The following KALRN variants were observed in gnomAD, a reference collection of about 807,000 sequenced individuals.
KALRN encodes kalirin.
A neutral mutation model predicts 353.7 loss-of-function variants in KALRN; 70 were observed. The ratio of observed to expected loss-of-function variants is 0.20; its 90% CI spans 0.16 to 0.24. The LOEUF (loss-of-function observed/expected upper bound fraction) is 0.24, where lower values mean the gene tolerates loss of function less well. KALRN is among the 10% of genes least tolerant of loss of function. KALRN has a pLI of 1.00. For synonymous variants in KALRN, 1,391 were observed against 1,434.8 expected (o/e 0.97, Z 0.69); for missense variants, 2,791 against 3,756.7 (o/e 0.74, Z 6.72).
At chr3:124,154,893 G>A (rs1045558692) in intron 1 of KALRN, among the ~76,000 whole-genome samples, 4 of 152,302 alleles carry the variant, frequency 2.6e-5, no homozygotes, top group African/African-American at 7.2e-5. Flanking sequence ...AAACAGCATG[G>A]TACTGGTACC....
At chr3:124,288,799 A>G (rs34743021) in intron 5 of KALRN, among the ~76,000 whole-genome samples, 10,590 of 152,156 alleles carry the variant, frequency 0.07, 1,053 homozygotes, top group East Asian at 0.47. Context: ...TAATGGAAGT[A>G]AAAGGCATAT....
intron 34 of KALRN, among the ~76,000 whole-genome samples, chr3:124,579,463 T>C (rs2074424226): frequency 6.6e-6 from 1 of 152,222 alleles, no homozygotes; most frequent in Non-Finnish European, 1.5e-5. Context: ...ATATTGCTTA[T>C]AGCTCAGGAG....
intron 1 of KALRN, among the ~76,000 whole-genome samples, chr3:124,055,721 A>G (rs1297236787): frequency 1.3e-5 from 2 of 152,228 alleles, no homozygotes; most frequent in South Asian, 4.1e-4. Context: ...TGGAGGCCCT[A>G]GAGCCATAGA....
intron 1 of KALRN, among the ~76,000 whole-genome samples, chr3:124,087,294 ATACT>A (rs1235615757): frequency 1.3e-5 from 2 of 152,236 alleles, no homozygotes; most frequent in South Asian, 2.1e-4. Context: ...CAAATTAGAC[ATACT>A]TACTTCCTGT....
intron 1 of KALRN, among the ~76,000 whole-genome samples, chr3:124,077,056 C>T (rs188349925): frequency 6.6e-6 from 1 of 152,344 alleles, no homozygotes; most frequent in African/African-American, 2.4e-5. Flanking sequence ...AGTTAAGCTT[C>T]TGGTCCAAGG....
chr3:124,490,953 G>A, intron 30 of KALRN, 69 bp downstream of exon 30: 3 of 1,381,460 alleles, frequency 2.2e-6, no homozygotes, highest in Non-Finnish European at 3.0e-6. Flanking sequence ...GAAGGGATCT[G>A]GACACACTCA....
chr3:124,051,981 T>G (rs1481854851), intron 1 of KALRN, among the ~76,000 whole-genome samples: 1 of 152,220 alleles, frequency 6.6e-6, no homozygotes, highest in Non-Finnish European at 1.5e-5. Flanking sequence ...CTAGAAGGTC[T>G]CTAATGCGTC....
intron 3 of KALRN, among the ~76,000 whole-genome samples, chr3:124,252,471 C>T (rs573483346): frequency 6.6e-6 from 1 of 152,312 alleles, no homozygotes; most frequent in South Asian, 2.1e-4. Flanking sequence ...GTTTTATGCA[C>T]AGATACTGAG....
intron 33 of KALRN, among the ~76,000 whole-genome samples, chr3:124,547,235 A>G (rs1162806216): frequency 6.6e-6 from 1 of 152,138 alleles, no homozygotes; most frequent in Non-Finnish European, 1.5e-5. Flanking sequence ...TCTGGCCTCA[A>G]GCTATCCTCC....
chr3:124,252,601 T>C (rs1214492795), intron 3 of KALRN, among the ~76,000 whole-genome samples: 2 of 152,318 alleles, frequency 1.3e-5, no homozygotes, highest in East Asian at 3.9e-4. Flanking sequence ...AGGCAAAAGA[T>C]GTGTTGTTAA....
At chr3:124,283,949 T>C (rs759427321) in intron 5 of KALRN, among the ~76,000 whole-genome samples, 1 of 152,252 alleles carries the variant, frequency 6.6e-6, no homozygotes, top group Non-Finnish European at 1.5e-5. Context: ...GCATACATTC[T>C]GGATCTGCTA....
rs2085634293 is a variant in KALRN at position 124,666,429 on chromosome 3, C to T, written c.6346-20C>T. On this transcript the variant is annotated intron_variant, in intron 45 of 59. Coordinates refer to ENST00000682506, the MANE Select transcript of KALRN (RefSeq NM_001388419.1). ...CTCCCCATTTTTCATTCACTTCACC[C>T]CAGCCCGTCTTTCCTTCAGGGCACT... The T allele has an allele frequency of 6.2e-7, 1 of 1,612,220 alleles. No individual in the cohort carries two copies.
chr3:124,462,092 C>A, intron 24 of KALRN, 136 bp downstream of exon 24: 1 of 674,146 alleles, frequency 1.5e-6, no homozygotes, highest in Non-Finnish European at 2.6e-6. Context: ...AAGAGGAAAT[C>A]TTTCTCCTAA....
rs138363004 is a variant in KALRN, at chr3:124,086,578, C to T, written c.73+52765C>T. On this transcript the variant is annotated intron_variant, in intron 1 of 59. Coordinates refer to ENST00000682506, the MANE Select transcript of KALRN (RefSeq NM_001388419.1). ...CTTTTTGTAAATTAGAGATATTAACCCTTTGTATAATTTATTGTTGCAAAC... is the reference window on the plus strand; with the variant it reads ...CTTTTTGTAAATTAGAGATATTAACTCTTTGTATAATTTATTGTTGCAAAC... 3.6e-4 allele frequency among the ~76,000 whole-genome samples: 55 copies of T among 151,824 alleles called. No individual in the cohort carries two copies. The East Asian group carries it at 0.01, about 28-fold the overall frequency.
intron 6 of KALRN, among the ~76,000 whole-genome samples, chr3:124,309,857 G>A (rs1002433545): frequency 1.3e-5 from 2 of 152,190 alleles, no homozygotes. Flanking sequence ...ATACTTCCCC[G>A]CTTAAGATCA....
intron 34 of KALRN, among the ~76,000 whole-genome samples, chr3:124,584,193 T>C (rs1179734857): frequency 6.6e-6 from 1 of 151,926 alleles, no homozygotes; most frequent in Non-Finnish European, 1.5e-5. Context: ...TTTCACGTCA[T>C]TACAGTTGGA....
chr3:124,461,717 G>C (rs1423329618), intron 23 of KALRN, among the ~76,000 whole-genome samples, 173 bp from the exon 24 acceptor site: 1 of 152,064 alleles, frequency 6.6e-6, no homozygotes, highest in Non-Finnish European at 1.5e-5. Context: ...AAGTATCATA[G>C]GAAGATACTT....
At chr3:124,575,063 T>G (rs1430369123) in intron 34 of KALRN, among the ~76,000 whole-genome samples, 1 of 152,246 alleles carries the variant, frequency 6.6e-6, no homozygotes, top group African/African-American at 2.4e-5. Flanking sequence ...ATGAGAAGTC[T>G]TTCCATTTAC....
At chr3:124,223,824 A>C (rs532070525) in intron 1 of KALRN, among the ~76,000 whole-genome samples, 2 of 152,326 alleles carry the variant, frequency 1.3e-5, no homozygotes, top group South Asian at 4.1e-4. Context: ...AGTGAGGCTG[A>C]CTGGCATTTT....
Sources: gnomAD v4.1 joint callset for allele counts (sites outside exome capture counted in the v4.1 genomes callset) on GRCh38, gnomAD v4.1.1 for gene constraint, MANE v1.5 for transcripts, NCBI Gene and HGNC (gene_info 2026-07-23, HGNC 2026-07-21) for gene names.